Variants in TTC28 observed in about 807,000 individuals in gnomAD.
The protein encoded by TTC28 is tetratricopeptide repeat protein 28.
In TTC28, 61 loss-of-function variants were observed where a neutral mutation model predicts 198.0. The ratio of observed to expected loss-of-function variants is 0.31; its 90% CI spans 0.25 to 0.38. The LOEUF (loss-of-function observed/expected upper bound fraction) is 0.38, where lower values mean the gene tolerates loss of function less well. TTC28 is among the 10% of genes least tolerant of loss of function. TTC28 has a pLI of 1.00. For synonymous variants in TTC28, 1,171 were observed against 1,297.8 expected (o/e 0.90, Z 2.10); for missense variants, 2,678 against 3,164.0 (o/e 0.85, Z 3.69).
intron 5 of TTC28, among the ~76,000 whole-genome samples, chr22:28,192,476 C>T (rs1601453669): frequency 3.3e-5 from 5 of 152,034 alleles, no homozygotes; most frequent in African/African-American, 1.2e-4. Flanking sequence ...AGTTTTCACA[C>T]GATTGGTAAT....
chr22:28,598,150 C>T (rs2050572409), intron 2 of TTC28, among the ~76,000 whole-genome samples: 1 of 152,098 alleles, frequency 6.6e-6, no homozygotes, highest in African/African-American at 2.4e-5. Flanking sequence ...TAAAAATATT[C>T]ACCATGCTGA....
At chr22:28,121,683 C>T (rs921009121) in intron 6 of TTC28, among the ~76,000 whole-genome samples, 3 of 152,186 alleles carry the variant, frequency 2.0e-5, no homozygotes, top group African/African-American at 7.2e-5. Context: ...AAGGCTGGTG[C>T]ACCCAATATT....
At chr22:28,021,373 G>A (rs1248534300) in intron 13 of TTC28, among the ~76,000 whole-genome samples, 1 of 152,198 alleles carries the variant, frequency 6.6e-6, no homozygotes, top group East Asian at 1.9e-4. Flanking sequence ...GGCCAGCGCT[G>A]TGAGACTGCC....
intron 12 of TTC28, among the ~76,000 whole-genome samples, chr22:28,055,581 C>T (rs1446731643): frequency 2.0e-5 from 3 of 152,162 alleles, no homozygotes; most frequent in Non-Finnish European, 4.4e-5. Flanking sequence ...CTCCCAGACA[C>T]TATTTAGTTT....
At chr22:28,654,979 C>T (rs2051621116) in intron 1 of TTC28, among the ~76,000 whole-genome samples, 1 of 152,188 alleles carries the variant, frequency 6.6e-6, no homozygotes, top group Non-Finnish European at 1.5e-5. Flanking sequence ...GGACTATATT[C>T]TTTAGCTTTT....
At position 28,341,976 on chromosome 22, in the gene TTC28, C is replaced by T. The variant is rs988914860; in HGVS notation, c.382-35333G>A. Among the ~76,000 whole-genome samples, 12 of 151,646 alleles carry T rather than the reference C, an allele frequency of 7.9e-5. No individual in the cohort carries two copies. The East Asian group carries it at 2.3e-3, about 29-fold the overall frequency. On this transcript the variant is annotated intron_variant, in intron 2 of 22. Transcript: ENST00000397906. ...CCTGGGTAACAGAGCAAGATCCTGT[C>T]GCTTAAAAAAACAGAAAAAAATTTA...
At chr22:28,122,851 T>C (rs1942821656) in intron 6 of TTC28, among the ~76,000 whole-genome samples, 1 of 152,224 alleles carries the variant, frequency 6.6e-6, no homozygotes. Flanking sequence ...AAAAATTGTT[T>C]TAGTTTAGTA....
intron 5 of TTC28, among the ~76,000 whole-genome samples, chr22:28,172,481 T>C (rs970692026): frequency 6.6e-6 from 1 of 152,234 alleles, no homozygotes; most frequent in African/African-American, 2.4e-5. Context: ...CAGGAACTTC[T>C]GGTTTATGGC....
chr22:28,293,587 A>G (rs937459078), intron 5 of TTC28, among the ~76,000 whole-genome samples: 23 of 152,266 alleles, frequency 1.5e-4, no homozygotes, highest in African/African-American at 5.5e-4. Context: ...ATCATATTGC[A>G]TACTCAAAAT....
At chr22:28,653,557 G>T (rs768928455) in intron 1 of TTC28, among the ~76,000 whole-genome samples, 1 of 151,006 alleles carries the variant, frequency 6.6e-6, no homozygotes, top group Non-Finnish European at 1.5e-5. Context: ...GAGTTATATG[G>T]CCCTGGAGAA....
intron 1 of TTC28, among the ~76,000 whole-genome samples, chr22:28,677,151 A>G (rs2052002920): frequency 1.0e-5 from 1 of 100,058 alleles, no homozygotes; most frequent in Non-Finnish European, 1.9e-5. Flanking sequence ...GCAAGACTCC[A>G]TCTCAGGAAA....
chr22:28,270,168 G>A (rs1038285394), intron 5 of TTC28, among the ~76,000 whole-genome samples: 2 of 152,088 alleles, frequency 1.3e-5, no homozygotes, highest in Admixed American at 6.6e-5. Context: ...ATCAATGCAC[G>A]TAAGGTATGT....
chr22:28,245,558 A>G (rs1930025034), intron 5 of TTC28, among the ~76,000 whole-genome samples: 1 of 152,222 alleles, frequency 6.6e-6, no homozygotes, highest in Admixed American at 6.5e-5. Flanking sequence ...CACAAAAGAA[A>G]TGAACATTTC....
intron 12 of TTC28, among the ~76,000 whole-genome samples, chr22:28,072,195 G>C (rs948898704): frequency 2.0e-5 from 3 of 152,224 alleles, no homozygotes; most frequent in African/African-American, 7.2e-5. Flanking sequence ...TTGTCATGTA[G>C]ATGATTACAG....
At chr22:28,027,014 T>C (rs1215757677) in intron 13 of TTC28, among the ~76,000 whole-genome samples, 5 of 152,176 alleles carry the variant, frequency 3.3e-5, no homozygotes, top group African/African-American at 9.7e-5. Context: ...GCCTGTCCTG[T>C]TCTTCTTCGT....
At chr22:28,172,517 T>C (rs144116454) in intron 5 of TTC28, among the ~76,000 whole-genome samples, 184 of 152,338 alleles carry the variant, frequency 1.2e-3, no homozygotes, top group Non-Finnish European at 2.2e-3. Context: ...CCCTGGCATC[T>C]TCTGCTTCTG....
chr22:28,084,587 T>C (rs1031962960), intron 12 of TTC28, among the ~76,000 whole-genome samples: 2 of 151,916 alleles, frequency 1.3e-5, no homozygotes, highest in African/African-American at 2.4e-5. Context: ...AACTGGAAAC[T>C]CTAAAAATCA....
Position 27,992,091 on chromosome 22 carries a change from G to C in TTC28, c.5553+496C>G, listed in dbSNP as rs921652025. ...AGCTGAAAAAGTGGGTGGTGAGGAG[G>C]ACAAGGTTCAGGAGACCACCGAGTG... On this transcript the variant is annotated intron_variant, in intron 19 of 22. Transcript: ENST00000397906. Among the ~76,000 whole-genome samples the C allele has an allele frequency of 5.9e-5, 9 of 152,132 alleles. No individual in the cohort carries two copies. The South Asian group carries it at 1.9e-3, about 32-fold the overall frequency.
chr22:28,579,730 G>A (rs974999053), intron 2 of TTC28, among the ~76,000 whole-genome samples: 2 of 151,920 alleles, frequency 1.3e-5, no homozygotes, highest in Admixed American at 6.6e-5. Context: ...CACTTTGGGA[G>A]GCCAAGGGGG....
Sources: gnomAD v4.1 joint callset for allele counts (sites outside exome capture counted in the v4.1 genomes callset) on GRCh38, gnomAD v4.1.1 for gene constraint, MANE v1.5 for transcripts, NCBI Gene and HGNC (gene_info 2026-07-23, HGNC 2026-07-21) for gene names.